Variants in SLC14A2 observed in about 807,000 individuals in gnomAD.
SLC14A2 encodes the protein urea transporter 2.
SLC14A2 carries 91 observed loss-of-function variants against 104.6 expected under a neutral mutation model. The observed-to-expected ratio is 0.87, with a 90% CI of 0.73 to 1.04. The LOEUF (loss-of-function observed/expected upper bound fraction) is 1.04. Ranked by LOEUF, SLC14A2 falls within the 50% of genes least tolerant of loss-of-function variation. SLC14A2 has a pLI of 0.00. For missense variants in SLC14A2, 1,189 were observed against 1,156.0 expected, an observed-to-expected ratio of 1.03 and a Z score of -0.41; for synonymous variants, 476 against 466.4, an observed-to-expected ratio of 1.02 and a Z score of -0.27.
At chr18:45,597,155 C>A (rs1402250375) in intron 2 of SLC14A2, among the ~76,000 whole-genome samples, 1 of 152,090 alleles carries the variant, frequency 6.6e-6, no homozygotes, top group Non-Finnish European at 1.5e-5. Context: ...TGGTAAACAC[C>A]ATCTCTACCA....
chr18:45,256,011 C>G (rs2084474208), intron 1 of SLC14A2, among the ~76,000 whole-genome samples: 2 of 152,290 alleles, frequency 1.3e-5, no homozygotes, highest in African/African-American at 4.8e-5. Flanking sequence ...AGTCATTGTA[C>G]TTTTGATTCC....
At chr18:45,338,649 G>A (rs1358532943) in intron 1 of SLC14A2, among the ~76,000 whole-genome samples, 1 of 120,286 alleles carries the variant, frequency 8.3e-6, no homozygotes, top group Non-Finnish European at 1.6e-5. Context: ...TCTTGAGACT[G>A]TTCCCCAGGC....
chr18:45,634,473 G>C (rs901089729), intron 5 of SLC14A2, among the ~76,000 whole-genome samples: 2 of 152,240 alleles, frequency 1.3e-5, no homozygotes, highest in Non-Finnish European at 2.9e-5. Context: ...TGTGCTCAGG[G>C]AAGACAACTT....
chr18:45,593,209 C>G (rs1336486946), intron 2 of SLC14A2, among the ~76,000 whole-genome samples: 1 of 151,506 alleles, frequency 6.6e-6, no homozygotes, highest in Non-Finnish European at 1.5e-5. Flanking sequence ...CCCAGCTACT[C>G]GGGAGGCTGA....
At chr18:45,348,010 G>A (rs997792864) in intron 1 of SLC14A2, among the ~76,000 whole-genome samples, 1 of 152,198 alleles carries the variant, frequency 6.6e-6, no homozygotes, top group African/African-American at 2.4e-5. Context: ...CCTCATACCA[G>A]GTGGACAGCA....
At chr18:45,255,175 C>G (rs770179110) in intron 1 of SLC14A2, among the ~76,000 whole-genome samples, 4 of 152,160 alleles carry the variant, frequency 2.6e-5, no homozygotes, top group Non-Finnish European at 5.9e-5. Context: ...TGCATCTTTT[C>G]CGGCTCTGCA....
At position 45,632,479 on chromosome 18, in the gene SLC14A2, G is replaced by A. The variant is rs757879145; in HGVS notation, c.650+1G>A. The stretch of plus-strand genomic sequence containing the variant: ...CTGTGACCTTCACAGCCATGTCCTG[G>A]TGAGGCACCTCATTTTTTCTGCTCA... On this transcript the variant is annotated splice_donor_variant, in intron 5 of 19. Transcript: ENST00000255226. LOFTEE classifies it high-confidence loss of function. The A allele has an allele frequency of 1.9e-6, 3 of 1,613,120 alleles. No individual in the cohort carries two copies. Among genetic ancestry groups the A allele is most frequent in the Non-Finnish European group, 2.5e-6 (3 of 1,179,654 alleles).
intron 2 of SLC14A2, among the ~76,000 whole-genome samples, chr18:45,600,526 G>T (rs1277921916): frequency 6.6e-6 from 1 of 152,172 alleles, no homozygotes; most frequent in Non-Finnish European, 1.5e-5. Context: ...TTGATGCCAG[G>T]ATACACTTGG....
intron 1 of SLC14A2, among the ~76,000 whole-genome samples, chr18:45,213,501 T>C (rs763299452): frequency 2.6e-5 from 4 of 152,168 alleles, no homozygotes; most frequent in African/African-American, 4.8e-5. Flanking sequence ...TTTTTTTAAC[T>C]AGTAGATTTT....
At chr18:45,360,445 G>A (rs1366992450) in intron 1 of SLC14A2, among the ~76,000 whole-genome samples, 1 of 152,186 alleles carries the variant, frequency 6.6e-6, no homozygotes, top group Non-Finnish European at 1.5e-5. Context: ...TAAATCTTCT[G>A]CAGAGCTCAG....
chr18:45,641,174 A>T, intron 7 of SLC14A2, 35 bp from the exon 8 acceptor site: 1 of 1,608,226 alleles, frequency 6.2e-7, no homozygotes, highest in Non-Finnish European at 8.5e-7. Context: ...TCTGTGGCCC[A>T]GAATCAGACA....
intron 1 of SLC14A2, among the ~76,000 whole-genome samples, chr18:45,624,148 G>C (rs1468682255): frequency 6.6e-6 from 1 of 152,160 alleles, no homozygotes; most frequent in Non-Finnish European, 1.5e-5. Flanking sequence ...GAAGGAGCTG[G>C]AAATGGTAGA....
At chr18:45,270,629 A>G (rs1431563545) in intron 1 of SLC14A2, among the ~76,000 whole-genome samples, 1 of 152,156 alleles carries the variant, frequency 6.6e-6, no homozygotes, top group East Asian at 1.9e-4. Context: ...TTGTGCAAAA[A>G]GTATGTGCTC....
intron 1 of SLC14A2, among the ~76,000 whole-genome samples, chr18:45,280,974 C>T (rs1237852887): frequency 4.0e-5 from 6 of 151,856 alleles, no homozygotes; most frequent in African/African-American, 1.2e-4. Flanking sequence ...AATCTGTCAC[C>T]GAGGTCTCCA....
At chr18:45,466,571 T>TG (rs1347737703) in intron 1 of SLC14A2, among the ~76,000 whole-genome samples, 2 of 144,852 alleles carry the variant, frequency 1.4e-5, no homozygotes, top group East Asian at 4.1e-4. Flanking sequence ...CCTAGATAGA[T>TG]GGAATCACCC....
At chr18:45,505,794 G>A (rs903100050) in intron 2 of SLC14A2, among the ~76,000 whole-genome samples, 2 of 152,110 alleles carry the variant, frequency 1.3e-5, no homozygotes, top group African/African-American at 4.8e-5. Flanking sequence ...TGTATGAGCC[G>A]ATGTTTGTGT....
chr18:45,188,191 CA>C, the SLC14A2 span, among the ~76,000 whole-genome samples: 1 of 151,970 alleles, frequency 6.6e-6, no homozygotes, highest in African/African-American at 2.4e-5. Flanking sequence ...GTTGGTAAAC[CA>C]AAAATATAGT....
At chr18:45,360,940 C>T (rs1464214209) in intron 1 of SLC14A2, among the ~76,000 whole-genome samples, 1 of 152,120 alleles carries the variant, frequency 6.6e-6, no homozygotes. Flanking sequence ...TCTGTGCCAC[C>T]CCTAATGTAT....
chr18:45,264,134 CTTCT>C (rs1464598523), intron 1 of SLC14A2, among the ~76,000 whole-genome samples: 13 of 152,196 alleles, frequency 8.5e-5, no homozygotes, highest in African/African-American at 2.9e-4. Context: ...ATCCATCTAT[CTTCT>C]GTCTAACTAT....
Sources: gnomAD v4.1 joint callset for allele counts (sites outside exome capture counted in the v4.1 genomes callset) on GRCh38, gnomAD v4.1.1 for gene constraint, MANE v1.5 for transcripts, NCBI Gene and HGNC (gene_info 2026-07-23, HGNC 2026-07-21) for gene names.